REDIC1: variants seen among roughly 807,000 people sequenced by gnomAD.
REDIC1 encodes HEI10 Interacting Protein 1.
the REDIC1 span, among the ~76,000 whole-genome samples, chr12:39,770,015 C>T: frequency 2.0e-5 from 3 of 151,754 alleles, no homozygotes; most frequent in Admixed American, 6.6e-5. Context: ...GCTGACAACT[C>T]TCCTTCCTTC....
At chr12:39,715,601 A>G in the REDIC1 span, among the ~76,000 whole-genome samples, 1 of 152,030 alleles carries the variant, frequency 6.6e-6, no homozygotes, top group African/African-American at 2.4e-5. Context: ...GGAACCGAAA[A>G]AGAGCCCACA....
the REDIC1 span, chr12:39,684,071 T>C: frequency 1.2e-6 from 1 of 850,620 alleles, no homozygotes; most frequent in African/African-American, 1.8e-5. Flanking sequence ...CCTCTACCCA[T>C]ACATTGAAAA....
chr12:39,637,060 C>T, the REDIC1 span, among the ~76,000 whole-genome samples: 1 of 151,852 alleles, frequency 6.6e-6, no homozygotes, highest in Non-Finnish European at 1.5e-5. Context: ...CCCTCTACTC[C>T]TTTTTTTCTC....
At chr12:39,709,253 GC>G in the REDIC1 span, among the ~76,000 whole-genome samples, 8 of 150,190 alleles carry the variant, frequency 5.3e-5, no homozygotes, top group South Asian at 1.7e-3. Flanking sequence ...TTTGCCAATA[GC>G]TTTTTTTTCT....
At chr12:39,872,042 A>G in the REDIC1 span, 1,194 of 1,237,342 alleles carry the variant, frequency 9.6e-4, 11 homozygotes, top group African/African-American at 0.017. Context: ...AGATGTATTC[A>G]ATTTGAAAAA....
At chr12:39,666,837 T>A in the REDIC1 span, among the ~76,000 whole-genome samples, 1 of 152,246 alleles carries the variant, frequency 6.6e-6, no homozygotes, top group African/African-American at 2.4e-5. Context: ...CTTCTAGATT[T>A]TCTAGTTTAT....
At chr12:39,882,796 C>A in the REDIC1 span, among the ~76,000 whole-genome samples, 45 of 152,304 alleles carry the variant, frequency 3.0e-4, no homozygotes, top group African/African-American at 1.0e-3. Context: ...AATTATTACT[C>A]TTTCCTTCTA....
chr12:39,873,696 A>G, the REDIC1 span, among the ~76,000 whole-genome samples: 2 of 152,238 alleles, frequency 1.3e-5, no homozygotes, highest in African/African-American at 4.8e-5. Flanking sequence ...AAATAAAACA[A>G]TGAAATCACA....
chr12:39,886,671 T>C, the REDIC1 span, among the ~76,000 whole-genome samples: 1 of 152,174 alleles, frequency 6.6e-6, no homozygotes, highest in Non-Finnish European at 1.5e-5. Context: ...GTGTGTAGAA[T>C]TGGTTTTAGA....
the REDIC1 span, among the ~76,000 whole-genome samples, chr12:39,819,111 A>G: frequency 6.6e-6 from 1 of 152,180 alleles, no homozygotes; most frequent in Non-Finnish European, 1.5e-5. Flanking sequence ...GAGGCTTCAG[A>G]AGTTATGATG....
the REDIC1 span, among the ~76,000 whole-genome samples, chr12:39,700,197 A>C: frequency 6.6e-6 from 1 of 152,142 alleles, no homozygotes; most frequent in East Asian, 1.9e-4. Context: ...TTGAAAAAAA[A>C]CTTAGAAGAA....
At chr12:39,713,277 CA>C in the REDIC1 span, among the ~76,000 whole-genome samples, 2 of 16,628 alleles carry the variant, frequency 1.2e-4, no homozygotes, top group Non-Finnish European at 6.3e-4. Context: ...TGTGTACACA[CA>C]CATACGTGTA....
chr12:39,668,048 A>C, the REDIC1 span, among the ~76,000 whole-genome samples: 2 of 151,864 alleles, frequency 1.3e-5, no homozygotes, highest in African/African-American at 2.4e-5. Flanking sequence ...TTTTAATTGG[A>C]GTATTTAGCC....
the REDIC1 span, among the ~76,000 whole-genome samples, chr12:39,712,382 A>ACG: frequency 8.0e-6 from 1 of 124,860 alleles, no homozygotes; most frequent in African/African-American, 3.1e-5. Flanking sequence ...ATATATACCT[A>ACG]TATATATACC....
the REDIC1 span, among the ~76,000 whole-genome samples, chr12:39,776,068 T>C: frequency 6.6e-6 from 1 of 152,230 alleles, no homozygotes. Context: ...TAGTGACTCA[T>C]AGACAGCTAA....
chr12:39,824,760 T>A, the REDIC1 span, among the ~76,000 whole-genome samples: 1 of 152,026 alleles, frequency 6.6e-6, no homozygotes, highest in Non-Finnish European at 1.5e-5. Flanking sequence ...AGGGGAGTGC[T>A]AGAGGGCAGC....
At chr12:39,764,469 T>C in the REDIC1 span, 1 of 1,584,736 alleles carries the variant, frequency 6.3e-7, no homozygotes, top group Non-Finnish European at 8.5e-7. Context: ...CCATAGTATG[T>C]AAGATACTCT....
the REDIC1 span, among the ~76,000 whole-genome samples, chr12:39,820,041 T>C: frequency 6.6e-6 from 1 of 152,184 alleles, no homozygotes; most frequent in Non-Finnish European, 1.5e-5. Flanking sequence ...TTAAATATAA[T>C]ATTAATATTT....
the REDIC1 span, among the ~76,000 whole-genome samples, chr12:39,886,087 G>A: frequency 1.3e-5 from 2 of 152,150 alleles, no homozygotes; most frequent in African/African-American, 4.8e-5. Context: ...ACAGGTCAAG[G>A]TTAAAGTGAA....
Sources: gnomAD v4.1 joint callset for allele counts (sites outside exome capture counted in the v4.1 genomes callset) on GRCh38, gnomAD v4.1.1 for gene constraint, MANE v1.5 for transcripts, NCBI Gene and HGNC (gene_info 2026-07-23, HGNC 2026-07-21) for gene names.